The following DNHD1 variants were observed in gnomAD, a reference collection of about 807,000 sequenced individuals.
DNHD1 encodes the protein dynein heavy chain domain 1.
Under a neutral mutation model 458.1 loss-of-function variants are expected in DNHD1, and 383 were observed. The ratio of observed to expected loss-of-function variants is 0.84; its 90% CI spans 0.77 to 0.91. The LOEUF (loss-of-function observed/expected upper bound fraction) is 0.91. DNHD1 is among the 40% of genes least tolerant of loss of function. The probability of loss-of-function intolerance (pLI) is 0.00; values close to 1 mark genes in which losing one functional copy is unlikely to be tolerated. For synonymous variants in DNHD1, 2,203 were observed against 2,376.9 expected (o/e 0.93, Z 2.13); for missense variants, 5,336 against 5,866.1 (o/e 0.91, Z 2.95).
chr11:6,534,308 T>TTTTCA, intron 14 of DNHD1, 135 bp downstream of exon 14: 1 of 924,760 alleles, frequency 1.1e-6, no homozygotes, highest in Non-Finnish European at 1.6e-6. Flanking sequence ...CACTGGTGTC[T>TTTTCA]TTTATAAATG....
chr11:6,524,815 G>A (rs1484117079), intron 10 of DNHD1, among the ~76,000 whole-genome samples: 2 of 152,132 alleles, frequency 1.3e-5, no homozygotes, highest in Admixed American at 6.5e-5. Context: ...AACTACGTAC[G>A]CACCTATAAC....
chr11:6,570,495 A>AG (rs1411349756), intron 41 of DNHD1, 99 bp downstream of exon 41: 8 of 1,485,110 alleles, frequency 5.4e-6, no homozygotes, highest in Non-Finnish European at 7.2e-6. Context: ...AAGGTATATG[A>AG]GGGGGTAATA....
intron 24 of DNHD1, among the ~76,000 whole-genome samples, chr11:6,551,088 C>G (rs954769601): frequency 6.6e-6 from 1 of 152,106 alleles, no homozygotes; most frequent in Non-Finnish European, 1.5e-5. Context: ...CAAGATAGAC[C>G]ATATGCTGGG....
At position 6,571,528 on chromosome 11, in the gene DNHD1, AGCTTCTCCGATCTC is replaced by A; in HGVS notation, c.13912-102_13912-89del. The A allele has an allele frequency of 6.9e-7, 1 of 1,456,862 alleles. No individual in the cohort carries two copies. The highest frequency in any genetic ancestry group is 9.1e-7 in the Non-Finnish European group (1 of 1,093,600). 90.2% of individuals were successfully genotyped at this position (1,456,862 alleles called of 1,614,324 possible). Reference sequence around the variant, plus strand: ...TGATCTTGCCCCCGGTAACCCTGCTAGCTTCTCCGATCTCGCTTCACCACGACCTCCTACCCGCT... The same window carrying A: ...TGATCTTGCCCCCGGTAACCCTGCTAGCTTCACCACGACCTCCTACCCGCT... On this transcript the variant is annotated intron_variant, in intron 42 of 42. Coordinates refer to ENST00000254579, the MANE Select transcript of DNHD1 (RefSeq NM_144666.3). This position sits in a 1 kb window ranked among gnomAD's most constrained non-coding sequence, Gnocchi z 5.0.
rs1194393027 is a variant in DNHD1 at position 6,545,762 on chromosome 11, A to G, written c.4823A>G (p.His1608Arg). 1.3e-6 allele frequency: 2 copies of G among 1,551,712 alleles called. No homozygotes were observed. Among genetic ancestry groups the G allele is most frequent in the South Asian group, 1.2e-5 (1 of 84,062 alleles). ...DFHWVRQLKY[H>R]LGSPHIIPKS... is the part of the protein sequence containing the mutation. The stretch of plus-strand genomic sequence containing the variant: ...CACTGGGTCCGCCAACTCAAGTATC[A>G]CTTGGGTTCACCTCACATAATCCCC... Residue 1608 changes from histidine to arginine, a missense_variant, in exon 21 of 43, where the codon CAC (histidine) becomes CGC (arginine). Around this residue, in one of 4 missense-constraint regions of DNHD1, gnomAD observed 3,932 missense variants for 4,365.6 expected, o/e 0.90. Coordinates refer to ENST00000254579, the MANE Select transcript of DNHD1 (RefSeq NM_144666.3). The surrounding 1 kb of genome is among the most constrained non-coding windows in gnomAD (Gnocchi z 4.9).
At position 6,554,863 on chromosome 11, in the gene DNHD1, A is replaced by G. The variant is rs902077566; in HGVS notation, c.7388-1820A>G. Among the ~76,000 whole-genome samples, 7 of 152,344 alleles carry G rather than the reference A, an allele frequency of 4.6e-5. No individual in the cohort carries two copies. In the South Asian group the frequency reaches 6.2e-4, roughly 14 times the overall value. On this transcript the variant is annotated intron_variant, in intron 24 of 42. Transcript: ENST00000254579. ...ATGCCAGTTTCTTACAAAATTAAAT[A>G]TTACTTAACATATGACCCAGCAATT...
intron 14 of DNHD1, among the ~76,000 whole-genome samples, chr11:6,534,605 AGAG>A (rs1403683303): frequency 1.3e-5 from 2 of 152,286 alleles, no homozygotes; most frequent in African/African-American, 4.8e-5. Context: ...TGTGGTATAG[AGAG>A]GAGGCTACTG....
intron 7 of DNHD1, among the ~76,000 whole-genome samples, chr11:6,512,214 T>C (rs1357510490): frequency 1.7e-5 from 1 of 58,298 alleles, no homozygotes; most frequent in Non-Finnish European, 3.8e-5. Flanking sequence ...TTTCTTTCTT[T>C]TTTTTTTTTT....
At position 6,571,742 on chromosome 11, in the gene DNHD1, G is replaced by C. The variant is rs1407222853; in HGVS notation, c.14018G>C (p.Ser4673Thr). The C allele has an allele frequency of 1.2e-6, 2 of 1,613,106 alleles. No individual in the cohort carries two copies. Among genetic ancestry groups the C allele is most frequent in the Non-Finnish European group, 1.7e-6 (2 of 1,179,524 alleles). ...CCAATAGCTGGAGCCTTGCAGGACA[G>C]TCCTTCCAGCCAACCCAGCCCTCTG... ...WDPIAGALQD[S>T]PSSQPSPLPP... The change falls in exon 43 of 43, where the codon AGT (serine) becomes ACT (threonine). Residue 4673 changes from serine to threonine, a missense_variant. Physicochemically the swap from Ser to Thr is moderately conservative, Grantham distance 58 (BLOSUM62 1). This residue lies in a region of DNHD1 where 698 missense variants were observed against 664.9 expected (regional missense o/e 1.05). Transcript: ENST00000254579. The surrounding 1 kb of genome is among the most constrained non-coding windows in gnomAD (Gnocchi z 5.0).
At position 6,544,170 on chromosome 11, in the gene DNHD1, C is replaced by A. The variant is rs1853157615; in HGVS notation, c.3678C>A (p.Ser1226=). 1 of 1,551,458 alleles carries A rather than the reference C, an allele frequency of 6.4e-7. No homozygotes were observed. Among genetic ancestry groups the A allele is most frequent in the Admixed American group, 2.0e-5 (1 of 50,984 alleles). Residue 1226 remains serine (S), a synonymous_variant, in exon 19 of 43, where the codon TCC becomes TCA. Transcript: ENST00000254579. Reference sequence around the variant, plus strand: ...TCCAGGAAAGTCTTCAGGTGTTGTCCAAGATCTTGGCCATCGAAAAGTCAG... The same window carrying A: ...TCCAGGAAAGTCTTCAGGTGTTGTCAAAGATCTTGGCCATCGAAAAGTCAG... ...DSIQESLQVL[S]KILAIEKSGD... is the part of the protein sequence containing the mutation.
At position 6,548,414 on chromosome 11, in the gene DNHD1, G is replaced by A. The variant is rs1346767809; in HGVS notation, c.7098+12G>A. The A allele has an allele frequency of 2.6e-6, 4 of 1,550,928 alleles. No individual in the cohort carries two copies. The highest frequency in any genetic ancestry group is 1.7e-6 in the Non-Finnish European group (2 of 1,146,456). On this transcript the variant is annotated intron_variant, in intron 23 of 42. Transcript: ENST00000254579. The surrounding 1 kb of genome is among the most constrained non-coding windows in gnomAD (Gnocchi z 4.4). ...ACCCTTCTATCCAGGTGTGAGGACA[G>A]TAAGGCAAGAGCTGGGGTTAGAACT...
In DNHD1 at chr11:6,559,175, C is replaced by A; in HGVS notation, c.9417-6C>A. On this transcript the variant is annotated splice_polypyrimidine_tract_variant and splice_region_variant and intron_variant, in intron 27 of 42. Transcript: ENST00000254579. Reference sequence around the variant, plus strand: ...GGGTTTCCTCACCAGCACATTGTATCTCCAGGGTCCAGAATGCCTTGGAGA... The same window carrying A: ...GGGTTTCCTCACCAGCACATTGTATATCCAGGGTCCAGAATGCCTTGGAGA... The A allele has an allele frequency of 6.4e-7, 1 of 1,551,714 alleles. No homozygotes were observed. The highest frequency in any genetic ancestry group is 1.2e-5 in the South Asian group (1 of 84,046).
At chr11:6,559,648 T>C (rs1853544972) in intron 28 of DNHD1, among the ~76,000 whole-genome samples, 1 of 152,250 alleles carries the variant, frequency 6.6e-6, no homozygotes, top group Non-Finnish European at 1.5e-5. Flanking sequence ...TTATCCTCTT[T>C]TTCCATAACA....
Position 6,533,821 on chromosome 11 carries a change from C to A in DNHD1, c.2646C>A (p.Phe882Leu), listed in dbSNP as rs371762508. ...EALDISVRRQ[F>L]GESPIPPCPP... ...TGGACATCTCGGTGAGAAGGCAATT[C>A]GGGGAGTCACCCATCCCTCCCTGCC... The change falls in exon 14 of 43, where the codon TTC (phenylalanine) becomes TTA (leucine). Residue 882 changes from phenylalanine to leucine, a missense_variant. Coordinates refer to ENST00000254579, the MANE Select transcript of DNHD1 (RefSeq NM_144666.3). The A allele has an allele frequency of 6.4e-7, 1 of 1,551,218 alleles. No homozygotes were observed.
chr11:6,547,959 A>C lies in DNHD1; in HGVS notation c.6824A>C (p.Asp2275Ala). The C allele has an allele frequency of 8.4e-6, 13 of 1,551,874 alleles. No individual in the cohort carries two copies. The highest frequency in any genetic ancestry group is 2.4e-5 in the South Asian group (2 of 84,064). Residue 2275 changes from aspartate (D) to alanine (A), a missense_variant, in exon 22 of 43, where the codon GAT becomes GCT. Physicochemically the swap from Asp to Ala is moderately radical, Grantham distance 126. Transcript: ENST00000254579. ...CAGGTTGACAGTGACGATGTGCCAG[A>C]TAAGTGCAGGGAACACTTGCTGGCT... ...RSQVDSDDVP[D>A]KCREHLLAVS...
At chr11:6,511,166 T>C in intron 6 of DNHD1, 107 bp from the exon 7 acceptor site, 1 of 1,412,232 alleles carries the variant, frequency 7.1e-7, no homozygotes, top group African/African-American at 1.4e-5. Context: ...TATTACAATC[T>C]CTATAAATAT....
In DNHD1 at chr11:6,519,701, A is replaced by G; in HGVS notation, c.1494A>G (p.Val498=). The change falls in exon 8 of 43, where the codon GTA becomes GTG. Residue 498 remains valine (V), a synonymous_variant. Coordinates refer to ENST00000254579, the MANE Select transcript of DNHD1 (RefSeq NM_144666.3). The part of the protein sequence containing the change: ...TGQGSIYLQR[V]QHKQLEQKLK... ...AAGGCTCCATATACCTTCAGAGGGTACAGCACAAGCAACTGGAGCAGAAGC... is the reference window on the plus strand; with the variant it reads ...AAGGCTCCATATACCTTCAGAGGGTGCAGCACAAGCAACTGGAGCAGAAGC... 1 of 1,614,194 alleles carries G rather than the reference A, an allele frequency of 6.2e-7. No individual in the cohort carries two copies.
rs960149892 is a variant in DNHD1, at chr11:6,544,826, G to A, written c.3887G>A (p.Arg1296Gln). 14 of 1,551,442 alleles carry A rather than the reference G, an allele frequency of 9.0e-6. No individual in the cohort carries two copies. The highest frequency in any genetic ancestry group is 5.5e-5 in the African/African-American group (4 of 72,988). ...TTCAAGGTCATGGATGACCAGTATC[G>A]AACCCTGATGCGCATCTCTGTAGCT... The part of the protein sequence containing the change: ...SRFKVMDDQY[R>Q]TLMRISVADP... Residue 1296 changes from arginine (R) to glutamine (Q), a missense_variant, in exon 21 of 43, where the codon CGA becomes CAA. This residue lies in a region of DNHD1 where 3,932 missense variants were observed against 4,365.6 expected (regional missense o/e 0.90). Coordinates refer to ENST00000254579, the MANE Select transcript of DNHD1 (RefSeq NM_144666.3).
Position 6,557,901 on chromosome 11 carries a change from C to T in DNHD1, c.8606C>T (p.Ala2869Val), listed in dbSNP as rs1338727749. ...CACCTGGCCCGGTGTCATTCCATGGCCCAGCACGTGGCCCGCCTGGTCCGG... is the reference window on the plus strand; with the variant it reads ...CACCTGGCCCGGTGTCATTCCATGGTCCAGCACGTGGCCCGCCTGGTCCGG... ...SPHLARCHSM[A>V]QHVARLVRVL... Residue 2869 changes from alanine to valine, a missense_variant, in exon 25 of 43, where the codon GCC (alanine) becomes GTC (valine). Physicochemically the swap from Ala to Val is moderately conservative, Grantham distance 64. Coordinates refer to ENST00000254579, the MANE Select transcript of DNHD1 (RefSeq NM_144666.3). 1 of 1,551,286 alleles carries T rather than the reference C, an allele frequency of 6.4e-7. No individual in the cohort carries two copies. Among genetic ancestry groups the T allele is most frequent in the East Asian group, 2.4e-5 (1 of 40,904 alleles).
Sources: allele counts gnomAD v4.1 joint callset (sites outside exome capture counted in the v4.1 genomes callset), GRCh38; gene constraint gnomAD v4.1.1; regional missense constraint gnomAD v4.1.1; non-coding constraint Gnocchi (gnomAD v3.1); transcripts MANE v1.5; gene names NCBI Gene and HGNC (gene_info 2026-07-23, HGNC 2026-07-21).